RNF103: variants seen among roughly 807,000 people sequenced by gnomAD.
RNF103 encodes the protein ring finger protein 103, also known as E3 ubiquitin-protein ligase RNF103.
A neutral mutation model predicts 66.2 loss-of-function variants in RNF103; 23 were observed. That is an observed-to-expected ratio of 0.35 (90% confidence interval 0.25 to 0.49). The LOEUF is 0.49. Among genes scored for constraint, RNF103 ranks in the 20% least tolerant of loss-of-function variants. The pLI is 0.98. For missense variants in RNF103, 730 were observed against 814.7 expected (o/e 0.90, Z 1.27); for synonymous variants, 297 against 289.9 (o/e 1.02, Z -0.25).
intron 3 of RNF103, among the ~76,000 whole-genome samples, chr2:86,608,878 C>T (rs1250614760): frequency 6.6e-6 from 1 of 152,208 alleles, no homozygotes; most frequent in Admixed American, 6.5e-5. Context: ...TAGAGCCAGG[C>T]AAGGCCACTC....
In RNF103 at chr2:86,605,393, G is replaced by C. The variant is rs1318553584; in HGVS notation, c.508C>G (p.Arg170Gly). 2 of 1,608,892 alleles carry C rather than the reference G, an allele frequency of 1.2e-6. No individual in the cohort carries two copies. The highest frequency in any genetic ancestry group is 1.4e-5 in the African/African-American group (1 of 74,044). ...GGAACAGACATAATGAGTGTGGATC[G>C]GACCCAGCCTCTTCTCCTGCAATAT... ...PRYCRRRGWV[R>G]STLIMSVPQT... The change falls in exon 4 of 4, where the codon CGA becomes GGA. Residue 170 changes from arginine (R) to glycine (G), a missense_variant. By Grantham distance (125) the Arg-to-Gly change is moderately radical. Transcript: ENST00000237455.
chr2:86,616,505 G>A (rs1679027895), intron 2 of RNF103: 1 of 982,536 alleles, frequency 1.0e-6, no homozygotes, highest in South Asian at 4.7e-5. Context: ...AAGATAAAGT[G>A]GCTTGCTATG....
In RNF103 at chr2:86,622,913, G is replaced by C; in HGVS notation, c.-27C>G. 6.4e-7 allele frequency: 1 copy of C among 1,562,802 alleles called. No individual in the cohort carries two copies. The stretch of plus-strand genomic sequence containing the variant: ...TTCCCTGGAGTTTCCTCTCTTTCCA[G>C]AGAGCTCGGAATACGGGAGAGAGAA... On this transcript the variant is annotated 5_prime_UTR_variant, in exon 1 of 4. Coordinates refer to ENST00000237455, the MANE Select transcript of RNF103 (RefSeq NM_005667.4).
intron 3 of RNF103, among the ~76,000 whole-genome samples, chr2:86,605,958 C>T (rs1678528844): frequency 6.6e-6 from 1 of 152,130 alleles, no homozygotes; most frequent in African/African-American, 2.4e-5. Context: ...TGGTTTGGTG[C>T]AAGCTCCTTG....
intron 2 of RNF103, chr2:86,614,883 T>A: frequency 1.0e-6 from 1 of 985,428 alleles, no homozygotes; most frequent in East Asian, 1.1e-4. Context: ...CATTTCTTGA[T>A]CAAGGTTGCA....
chr2:86,621,816 G>A (rs1308690727), intron 1 of RNF103, among the ~76,000 whole-genome samples: 2 of 152,154 alleles, frequency 1.3e-5, no homozygotes, highest in Admixed American at 6.5e-5. Flanking sequence ...CTTTCAGGAA[G>A]TATATCCAAA....
intron 3 of RNF103, among the ~76,000 whole-genome samples, chr2:86,611,197 G>GA (rs1006350731): frequency 4.6e-5 from 7 of 150,772 alleles, no homozygotes; most frequent in Non-Finnish European, 8.9e-5. Context: ...AAAAAAATCA[G>GA]AAAAAAAGAC....
At chr2:86,605,529 T>A in intron 3 of RNF103, 111 bp from the exon 4 acceptor site, 1 of 1,150,296 alleles carries the variant, frequency 8.7e-7, no homozygotes, top group Non-Finnish European at 1.2e-6. Flanking sequence ...TTCCAAATAA[T>A]CAAAAAGTGG....
chr2:86,611,206 A>T (rs1678779473), intron 3 of RNF103, among the ~76,000 whole-genome samples: 1 of 151,924 alleles, frequency 6.6e-6, no homozygotes, highest in Non-Finnish European at 1.5e-5. Flanking sequence ...AGAAAAAAAG[A>T]CTTTGTGGTG....
Position 86,603,989 on chromosome 2 carries a change from G to A in RNF103, c.1912C>T (p.Pro638Ser). Reference protein sequence around the residue: ...FENGCLLMGLPCGHVFHQNCI... With the variant: ...FENGCLLMGLSCGHVFHQNCI... ...TTCTGATGAAACACATGACCACAAG[G>A]CAACCCCATTAGCAAACATCCATTT... is the stretch of plus-strand genomic sequence containing the variant. Residue 638 changes from proline (P) to serine (S), a missense_variant, in exon 4 of 4, where the codon CCT (proline) becomes TCT (serine). Pro to Ser is a moderately conservative substitution (Grantham distance 74). Transcript: ENST00000237455. 1 of 1,614,020 alleles carries A rather than the reference G, an allele frequency of 6.2e-7. No individual in the cohort carries two copies. Among genetic ancestry groups the A allele is most frequent in the Non-Finnish European group, 8.5e-7 (1 of 1,180,022 alleles).
intron 3 of RNF103, among the ~76,000 whole-genome samples, chr2:86,606,427 G>A (rs1034654040): frequency 4.6e-5 from 7 of 152,066 alleles, no homozygotes; most frequent in Non-Finnish European, 1.0e-4. Context: ...CACTTTGGGA[G>A]GCCAAGGTGG....
chr2:86,612,090 C>T (rs1678818110), intron 3 of RNF103, 69 bp downstream of exon 3: 2 of 942,190 alleles, frequency 2.1e-6, no homozygotes, highest in Non-Finnish European at 3.4e-6. Context: ...CTTCTAGTAT[C>T]ATTGCCCTTT....
At position 86,620,440 on chromosome 2, in the gene RNF103, C is replaced by T; in HGVS notation, c.256G>A (p.Ala86Thr). Residue 86 changes from alanine to threonine, a missense_variant, in exon 2 of 4, where the codon GCT becomes ACT. Ala to Thr is a moderately conservative substitution (Grantham distance 58). Around this residue, in one of 3 missense-constraint regions of RNF103, gnomAD observed 327 missense variants for 369.8 expected, o/e 0.88. Transcript: ENST00000237455. The stretch of plus-strand genomic sequence containing the variant: ...TCGGATGCTTCTTCTTCCTTGAGAG[C>T]AGAATAGAGCTCACCCTCCATCAAG... ...GDLMEGELYSALKEEEASESV... is the reference protein window; with the variant it reads ...GDLMEGELYSTLKEEEASESV... 6.3e-7 allele frequency: 1 copy of T among 1,598,260 alleles called. No individual in the cohort carries two copies. The highest frequency in any genetic ancestry group is 8.6e-7 in the Non-Finnish European group (1 of 1,168,732).
intron 2 of RNF103, chr2:86,616,635 C>A (rs308902): frequency 2.0e-6 from 2 of 984,984 alleles, no homozygotes; most frequent in African/African-American, 1.7e-5. Flanking sequence ...TCTTGTCAGC[C>A]AAACAGGAAA....
chr2:86,608,358 G>A (rs781139854), intron 3 of RNF103, among the ~76,000 whole-genome samples: 5 of 151,698 alleles, frequency 3.3e-5, no homozygotes, highest in Non-Finnish European at 7.4e-5. Flanking sequence ...ATGGTGGCAC[G>A]CACCTGTAAT....
intron 2 of RNF103, among the ~76,000 whole-genome samples, chr2:86,620,075 A>G (rs1031267306): frequency 6.6e-6 from 1 of 152,246 alleles, no homozygotes; most frequent in Non-Finnish European, 1.5e-5. Context: ...TAACTAAAAT[A>G]GATTTGCTTC....
At position 86,604,164 on chromosome 2, in the gene RNF103, G is replaced by A; in HGVS notation, c.1737C>T (p.Ala579=). Residue 579 remains alanine (A), a synonymous_variant, in exon 4 of 4, where the codon GCC becomes GCT. Coordinates refer to ENST00000237455, the MANE Select transcript of RNF103 (RefSeq NM_005667.4). ...SHCDAEACSC[A]NKYCQTSPCE... The stretch of plus-strand genomic sequence containing the variant: ...ATGGGCTGGTCTGACAATATTTATT[G>A]GCACATGAACAAGCCTCAGCATCAC... 6.2e-7 allele frequency: 1 copy of A among 1,613,518 alleles called. No homozygotes were observed.
At chr2:86,609,116 T>C (rs556643295) in intron 3 of RNF103, among the ~76,000 whole-genome samples, 20 of 152,280 alleles carry the variant, frequency 1.3e-4, no homozygotes, top group African/African-American at 3.1e-4. Context: ...CATGAACACT[T>C]AGTGCTGCTC....
chr2:86,623,815 C>G lies in RNF103; in HGVS notation c.-929G>C, dbSNP rs917560408. 5.3e-5 allele frequency: 68 copies of G among 1,284,698 alleles called. No individual in the cohort carries two copies. The highest frequency in any genetic ancestry group is 6.9e-5 in the Non-Finnish European group (68 of 987,176). The allele number at this position is 1,284,698 out of a possible 1,614,324, so 79.6% of individuals were successfully genotyped here. A position where few individuals can be genotyped will look rare whatever the true frequency, so the allele number is the denominator to read the frequency against. On this transcript the variant is annotated 5_prime_UTR_variant, in exon 1 of 4. Coordinates refer to ENST00000237455, the MANE Select transcript of RNF103 (RefSeq NM_005667.4). ...GCCACCTCCGGAGACCGCGGCCGTA[C>G]CCTCCACAACCGTGTATCAGCGGCG...
Sources: allele counts gnomAD v4.1 joint callset (sites outside exome capture counted in the v4.1 genomes callset), GRCh38; gene constraint gnomAD v4.1.1; regional missense constraint gnomAD v4.1.1; transcripts MANE v1.5; gene names NCBI Gene and HGNC (gene_info 2026-07-23, HGNC 2026-07-21).